ADIRF: variants seen among roughly 807,000 people sequenced by gnomAD.
The protein encoded by ADIRF is adipogenesis factor rich in obesity.
Under a neutral mutation model 7.8 loss-of-function variants are expected in ADIRF, and 9 were observed. That is an observed-to-expected ratio of 1.15 (90% CI 0.70 to 2.01). ADIRF has a LOEUF of 2.01. ADIRF is among the 30% of genes most tolerant of loss of function. ADIRF has a pLI of 0.00. For missense variants in ADIRF, 106 were observed against 98.1 expected (o/e 1.08, Z -0.34); for synonymous variants, 48 against 39.9 (o/e 1.20, Z -0.77).
rs774588082 is a variant in ADIRF at position 86,970,696 on chromosome 10, C to T, written c.*114C>T. The stretch of plus-strand genomic sequence containing the variant: ...CCTGATCTCCGGGCAGCCACCACCT[C>T]CTCGGTCTGCCCCCTCATTAAAATT... On this transcript the variant is annotated 3_prime_UTR_variant, in exon 3 of 3. Coordinates refer to ENST00000372013, the MANE Select transcript of ADIRF (RefSeq NM_006829.3). The T allele has an allele frequency of 1.5e-5, 13 of 855,544 alleles. No homozygotes were observed. Among genetic ancestry groups the T allele is most frequent in the Non-Finnish European group, 2.5e-5 (13 of 514,570 alleles). The allele number at this position is 855,544 out of a possible 1,614,324, so 53.0% of individuals were successfully genotyped here.
Position 86,968,498 on chromosome 10 carries a change from A to C in ADIRF, c.-47A>C. ...GGCATCGCCACTCTGGGCAGGATCC[A>C]ACGTCGCTCCAGCTGCTCTTGACGA... On this transcript the variant is annotated 5_prime_UTR_variant, in exon 1 of 3. Transcript: ENST00000372013. 1.2e-6 allele frequency: 2 copies of C among 1,610,384 alleles called. No individual in the cohort carries two copies. The highest frequency in any genetic ancestry group is 8.5e-7 in the Non-Finnish European group (1 of 1,177,888).
At position 86,970,578 on chromosome 10, in the gene ADIRF, A is replaced by T. The variant is rs372463086; in HGVS notation, c.227A>T (p.Lys76Ile). The change falls in exon 3 of 3, where the codon AAA becomes ATA. Residue 76 changes from lysine (K) to isoleucine (I), a missense_variant. Physicochemically the swap from Lys to Ile is moderately radical, Grantham distance 102. Coordinates refer to ENST00000372013, the MANE Select transcript of ADIRF (RefSeq NM_006829.3). ...ATTGGGAAAAAATTCGGCCTCCTGA[A>T]ATGACAGCAGGGAGACTTGGGTCGG... ...SGIGKKFGLLK is the reference protein window; with the variant it reads ...SGIGKKFGLLI 63 of 1,608,284 alleles carry T rather than the reference A, an allele frequency of 3.9e-5. No individual in the cohort carries two copies. The highest frequency in any genetic ancestry group is 5.0e-5 in the Non-Finnish European group (59 of 1,176,258).
chr10:86,968,623 C>T lies in ADIRF; in HGVS notation c.61+18C>T, dbSNP rs758092077. ...GGAAGCCGGTGAGGATAGCGCGCGA[C>T]CTAGGGCTCAGGCAGGGGCACCTGC... On this transcript the variant is annotated intron_variant, in intron 1 of 2. Coordinates refer to ENST00000372013, the MANE Select transcript of ADIRF (RefSeq NM_006829.3). 15 of 1,610,034 alleles carry T rather than the reference C, an allele frequency of 9.3e-6. No homozygotes were observed. The highest frequency in any genetic ancestry group is 8.4e-5 in the Admixed American group (5 of 59,378).
At chr10:86,970,138 G>C (rs1844555945) in intron 1 of ADIRF, 62 bp from the exon 2 acceptor site, 2 of 1,379,260 alleles carry the variant, frequency 1.5e-6, no homozygotes, top group South Asian at 3.5e-5. Context: ...CATGGCAATG[G>C]TGGGGCACCT....
At chr10:86,968,776 A>C (rs1397438983) in intron 1 of ADIRF, 171 bp downstream of exon 1, 2 of 678,698 alleles carry the variant, frequency 2.9e-6, no homozygotes, top group African/African-American at 3.8e-5. Context: ...CGGCGAGCAG[A>C]CAGATGGTGC....
Position 86,970,826 on chromosome 10 carries a change from C to A in ADIRF, c.*244C>A. ...AGCCGGAGTCCTAGCCTCCCAAATTCGGAAATCCAATCCAACGGTCTCAGG... is the reference window on the plus strand; with the variant it reads ...AGCCGGAGTCCTAGCCTCCCAAATTAGGAAATCCAATCCAACGGTCTCAGG... On this transcript the variant is annotated 3_prime_UTR_variant, in exon 3 of 3. Transcript: ENST00000372013. 1.7e-6 allele frequency: 1 copy of A among 585,160 alleles called. No homozygotes were observed. The highest frequency in any genetic ancestry group is 1.5e-5 in the South Asian group (1 of 65,692). 36.2% of individuals were successfully genotyped at this position (585,160 alleles called of 1,614,324 possible). A position where few individuals can be genotyped will look rare whatever the true frequency, so the allele number is the denominator to read the frequency against.
chr10:86,970,419 C>T (rs771017181), intron 2 of ADIRF, 57 bp from the exon 3 acceptor site: 22 of 1,545,064 alleles, frequency 1.4e-5, no homozygotes, highest in Admixed American at 7.3e-5. Flanking sequence ...GCTAAGCCTA[C>T]AGGCACTGTG....
rs2094816803 is a variant in ADIRF at position 86,970,635 on chromosome 10, G to A, written c.*53G>A. On this transcript the variant is annotated 3_prime_UTR_variant, in exon 3 of 3. Coordinates refer to ENST00000372013, the MANE Select transcript of ADIRF (RefSeq NM_006829.3). ...GAAATGACAGCAGGGAGACTTGGGT[G>A]ACCCCCCTTCCAGGCGCCATCTAGC... The A allele has an allele frequency of 1.4e-6, 2 of 1,470,530 alleles. No individual in the cohort carries two copies. The highest frequency in any genetic ancestry group is 1.9e-6 in the Non-Finnish European group (2 of 1,067,990). 91.1% of individuals were successfully genotyped at this position (1,470,530 alleles called of 1,614,324 possible). A position where few individuals can be genotyped will look rare whatever the true frequency, so the allele number is the denominator to read the frequency against.
chr10:86,969,551 G>GC (rs34804110), intron 1 of ADIRF: 11,646 of 152,088 alleles, frequency 0.077, 555 homozygotes, highest in Middle Eastern at 0.16. Flanking sequence ...CCACCTGTCA[G>GC]CCCCCCCGGG....
chr10:86,970,184 C>T lies in ADIRF; in HGVS notation c.62-16C>T. On this transcript the variant is annotated splice_polypyrimidine_tract_variant and intron_variant, in intron 1 of 2. Transcript: ENST00000372013. Reference sequence around the variant, plus strand: ...GTGCCTCAACAGGGGCTAAAAGCCACATCTCTCTGTTCCAGTGTCAGCGGC... The same window carrying T: ...GTGCCTCAACAGGGGCTAAAAGCCATATCTCTCTGTTCCAGTGTCAGCGGC... The T allele has an allele frequency of 6.9e-7, 1 of 1,440,902 alleles. No homozygotes were observed. The highest frequency in any genetic ancestry group is 9.1e-7 in the Non-Finnish European group (1 of 1,093,274). 89.3% of individuals were successfully genotyped at this position (1,440,902 alleles called of 1,614,324 possible).
chr10:86,970,640 C>CGG lies in ADIRF; in HGVS notation c.*58_*59insGG. 1 of 1,419,182 alleles carries CGG rather than the reference C, an allele frequency of 7.0e-7. No individual in the cohort carries two copies. The highest frequency in any genetic ancestry group is 9.8e-7 in the Non-Finnish European group (1 of 1,022,902). 87.9% of individuals were successfully genotyped at this position (1,419,182 alleles called of 1,614,324 possible). A position where few individuals can be genotyped will look rare whatever the true frequency, so the allele number is the denominator to read the frequency against. ...GACAGCAGGGAGACTTGGGTGACCCCCCTTCCAGGCGCCATCTAGCACAGC... is the reference window on the plus strand; with the variant it reads ...GACAGCAGGGAGACTTGGGTGACCCCGGCCTTCCAGGCGCCATCTAGCACAGC... On this transcript the variant is annotated 3_prime_UTR_variant, in exon 3 of 3. Transcript: ENST00000372013.
At chr10:86,968,973 G>A in intron 1 of ADIRF, 1 of 246,160 alleles carries the variant, frequency 4.1e-6, no homozygotes, top group Non-Finnish European at 7.7e-6. Flanking sequence ...GCCACCAGAG[G>A]CTGCCCCAGA....
Position 86,968,501 on chromosome 10 carries a change from G to C in ADIRF, c.-44G>C. On this transcript the variant is annotated 5_prime_UTR_variant, in exon 1 of 3. Transcript: ENST00000372013. ...ATCGCCACTCTGGGCAGGATCCAAC[G>C]TCGCTCCAGCTGCTCTTGACGACTC... is the stretch of plus-strand genomic sequence containing the variant. 6.2e-7 allele frequency: 1 copy of C among 1,610,662 alleles called. No individual in the cohort carries two copies. Among genetic ancestry groups the C allele is most frequent in the Non-Finnish European group, 8.5e-7 (1 of 1,178,050 alleles).
rs1441990632 is a variant in ADIRF at position 86,970,712 on chromosome 10, C to T, written c.*130C>T. 2.5e-6 allele frequency: 2 copies of T among 792,754 alleles called. No homozygotes were observed. Among genetic ancestry groups the T allele is most frequent in the Non-Finnish European group, 4.3e-6 (2 of 460,192 alleles). The allele number at this position is 792,754 out of a possible 1,614,324, so 49.1% of individuals were successfully genotyped here. ...CCACCACCTCCTCGGTCTGCCCCCTCATTAAAATTCACGTTCCCACCCTGT... is the reference window on the plus strand; with the variant it reads ...CCACCACCTCCTCGGTCTGCCCCCTTATTAAAATTCACGTTCCCACCCTGT... On this transcript the variant is annotated 3_prime_UTR_variant, in exon 3 of 3. Coordinates refer to ENST00000372013, the MANE Select transcript of ADIRF (RefSeq NM_006829.3).
rs775179086 is a variant in ADIRF at position 86,970,180 on chromosome 10, G to A, written c.62-20G>A. On this transcript the variant is annotated intron_variant, in intron 1 of 2. Transcript: ENST00000372013. ...GGTGGTGCCTCAACAGGGGCTAAAA[G>A]CCACATCTCTCTGTTCCAGTGTCAG... The A allele has an allele frequency of 1.4e-6, 2 of 1,438,786 alleles. No individual in the cohort carries two copies. Among genetic ancestry groups the A allele is most frequent in the African/African-American group, 1.4e-5 (1 of 69,668 alleles). 89.1% of individuals were successfully genotyped at this position (1,438,786 alleles called of 1,614,324 possible). A position where few individuals can be genotyped will look rare whatever the true frequency, so the allele number is the denominator to read the frequency against.
rs780485326 is a variant in ADIRF at position 86,970,388 on chromosome 10, C to T, written c.125-88C>T. The T allele has an allele frequency of 7.3e-6, 11 of 1,504,670 alleles. 1 individual carries two copies. In the South Asian group the frequency reaches 1.3e-4, roughly 18 times the overall value. 93.2% of individuals were successfully genotyped at this position (1,504,670 alleles called of 1,614,324 possible). On this transcript the variant is annotated intron_variant, in intron 2 of 2. Coordinates refer to ENST00000372013, the MANE Select transcript of ADIRF (RefSeq NM_006829.3). ...TCTGTCCACAATGCCCCAAGCAGGT[C>T]CCCCGGGAGACCCAGGCCAGGCTAA...
At chr10:86,970,045 G>C (rs1844553227) in intron 1 of ADIRF, 155 bp from the exon 2 acceptor site, 1 of 602,158 alleles carries the variant, frequency 1.7e-6, no homozygotes, top group Non-Finnish European at 2.5e-6. Flanking sequence ...CCCTCGGGCT[G>C]GGGGGCCCTG....
chr10:86,970,125 A>G (rs1242404259), intron 1 of ADIRF, 75 bp from the exon 2 acceptor site: 2 of 1,338,852 alleles, frequency 1.5e-6, no homozygotes, highest in Non-Finnish European at 2.0e-6. Context: ...GAGGACACAG[A>G]GGCATGGCAA....
chr10:86,970,849 A>C lies in ADIRF; in HGVS notation c.*267A>C, dbSNP rs1844589861. The C allele has an allele frequency of 1.8e-6, 1 of 541,636 alleles. No individual in the cohort carries two copies. The highest frequency in any genetic ancestry group is 4.8e-5 in the East Asian group (1 of 20,980). The allele number at this position is 541,636 out of a possible 1,614,324, so 33.6% of individuals were successfully genotyped here. On this transcript the variant is annotated 3_prime_UTR_variant, in exon 3 of 3. Coordinates refer to ENST00000372013, the MANE Select transcript of ADIRF (RefSeq NM_006829.3). ...TTCGGAAATCCAATCCAACGGTCTC[A>C]GGAATGTTTTCCATCCCGCCACGCG...
Sources: allele counts gnomAD v4.1 joint callset, GRCh38; gene constraint gnomAD v4.1.1; transcripts MANE v1.5; gene names NCBI Gene and HGNC (gene_info 2026-07-23, HGNC 2026-07-21).